METTL21A: variants seen among roughly 807,000 people sequenced by gnomAD.
METTL21A encodes protein N-lysine methyltransferase METTL21A.
In METTL21A, 22 loss-of-function variants were observed where a neutral mutation model predicts 20.9. That is an observed-to-expected ratio of 1.05 (90% CI 0.75 to 1.50). The LOEUF is 1.50. METTL21A is among the 40% of genes most tolerant of loss of function. METTL21A has a pLI of 0.00. For missense variants in METTL21A, 271 were observed against 266.8 expected, an observed-to-expected ratio of 1.02 and a Z score of -0.11; for synonymous variants, 93 against 102.0, an observed-to-expected ratio of 0.91 and a Z score of 0.53.
intron 3 of METTL21A, among the ~76,000 whole-genome samples, chr2:207,588,702 T>G (rs144250959): frequency 6.8e-6 from 1 of 147,826 alleles, no homozygotes; most frequent in Non-Finnish European, 1.5e-5. Context: ...TTACTGGATT[T>G]ATACCCAAGT....
downstream of METTL21A, chr2:207,612,061 AG>A (rs1461749652): frequency 1.4e-5 from 2 of 140,366 alleles, no homozygotes; most frequent in African/African-American, 2.6e-5. Context: ...AAAAAAAAAA[AG>A]AAAACCTATT....
exon 4 of METTL21A, chr2:207,613,042 C>A (rs751598986): frequency 2.9e-5 from 44 of 1,540,202 alleles, no homozygotes; most frequent in Non-Finnish European, 3.5e-5. Flanking sequence ...TAAATTATAG[C>A]CAATTATAAG....
chr2:207,606,426 G>A (rs1274391537), downstream of METTL21A, among the ~76,000 whole-genome samples: 1 of 152,222 alleles, frequency 6.6e-6, no homozygotes, highest in African/African-American at 2.4e-5. Flanking sequence ...AGGTTGCAGT[G>A]AGCCGAGATT....
chr2:207,597,912 T>C (rs984557181), intron 3 of METTL21A: 6 of 186,600 alleles, frequency 3.2e-5, no homozygotes, highest in African/African-American at 9.3e-5. Flanking sequence ...CCTTGAGTTA[T>C]ATAACAAGAT....
exon 3 of METTL21A, chr2:207,621,914 T>C: frequency 3.1e-6 from 5 of 1,613,218 alleles, no homozygotes; most frequent in South Asian, 1.1e-5. Context: ...GAAAGAACGA[T>C]GGCCTGAATG....
At chr2:207,592,514 A>T (rs2085250046) in intron 3 of METTL21A, among the ~76,000 whole-genome samples, 1 of 152,120 alleles carries the variant, frequency 6.6e-6, no homozygotes, top group South Asian at 2.1e-4. Flanking sequence ...ATTTGCAGCA[A>T]TTCAAATATA....
intron 3 of METTL21A, chr2:207,597,013 G>A (rs2086297113): frequency 6.2e-6 from 10 of 1,612,062 alleles, no homozygotes; most frequent in Non-Finnish European, 8.5e-6. Context: ...CATTGATTGA[G>A]GAGCTAAAAG....
intron 3 of METTL21A, among the ~76,000 whole-genome samples, chr2:207,618,573 G>A (rs1239575925): frequency 6.6e-6 from 1 of 152,108 alleles, no homozygotes; most frequent in African/African-American, 2.4e-5. Flanking sequence ...TGCAGAGGCA[G>A]GTGCCTGTAA....
At chr2:207,597,596 C>T (rs191157228) in intron 3 of METTL21A, 46 of 208,992 alleles carry the variant, frequency 2.2e-4, no homozygotes, top group Non-Finnish European at 4.0e-4. Context: ...AGAACTTTAG[C>T]ATGGTATTGA....
chr2:207,602,984 G>A lies in METTL21A; in HGVS notation c.259+18822C>T, dbSNP rs551766681. 345 of 214,486 alleles carry A rather than the reference G, an allele frequency of 1.6e-3. 3 individuals carry two copies. The highest frequency in any genetic ancestry group is 7.3e-3 in the African/African-American group (323 of 44,458). The allele number at this position is 214,486 out of a possible 1,614,324, so 13.3% of individuals were successfully genotyped here. On this transcript the variant is annotated intron_variant, in intron 3 of 3. Coordinates refer to the METTL21A transcript ENST00000425132. ...CAGGGAAGTTCCTAGAAAGGTGTTT[G>A]GCTTTTTGGTTTTTGAGGGTTGGGG...
intron 3 of METTL21A, chr2:207,602,628 G>C (rs1443870200): frequency 4.7e-6 from 1 of 212,096 alleles, no homozygotes; most frequent in Non-Finnish European, 9.6e-6. Flanking sequence ...TGTTGGCCAA[G>C]TGAAATGATC....
chr2:207,593,762 A>G (rs1165595781), intron 3 of METTL21A, among the ~76,000 whole-genome samples: 1 of 139,148 alleles, frequency 7.2e-6, no homozygotes. Context: ...CCTATCACCC[A>G]GGCTGGAGTG....
chr2:207,596,385 A>G (rs1433463171), intron 3 of METTL21A, among the ~76,000 whole-genome samples: 1 of 152,196 alleles, frequency 6.6e-6, no homozygotes, highest in East Asian at 1.9e-4. Context: ...TAATAGTAAG[A>G]TGTAATTTTT....
intron 3 of METTL21A, among the ~76,000 whole-genome samples, chr2:207,590,208 A>C (rs2106636644): frequency 6.7e-6 from 1 of 149,870 alleles, no homozygotes; most frequent in Middle Eastern, 3.5e-3. Flanking sequence ...CAAATTCATG[A>C]CCATAGAGTT....
chr2:207,621,789 C>T lies in METTL21A; in HGVS notation c.259+17G>A. On this transcript the variant is annotated intron_variant, in intron 3 of 3. Coordinates refer to ENST00000406927, the Ensembl canonical transcript of METTL21A. ...CAATGAGTTCTGCTCACTAAGGAGT[C>T]AATGCATGACACTCACCCAGCAGGG... The T allele has an allele frequency of 6.2e-7, 1 of 1,603,542 alleles. No homozygotes were observed. The highest frequency in any genetic ancestry group is 8.5e-7 in the Non-Finnish European group (1 of 1,170,392).
intron 3 of METTL21A, among the ~76,000 whole-genome samples, chr2:207,587,689 A>G (rs1473887742): frequency 2.0e-5 from 3 of 152,242 alleles, no homozygotes; most frequent in African/African-American, 7.2e-5. Flanking sequence ...AAATAACTCA[A>G]ACATGGAAAG....
At chr2:207,590,708 T>G (rs1394095440) in intron 3 of METTL21A, among the ~76,000 whole-genome samples, 1 of 152,278 alleles carries the variant, frequency 6.6e-6, no homozygotes, top group South Asian at 2.1e-4. Flanking sequence ...TCACAACTAC[T>G]CAACTCTGCC....
At chr2:207,612,852 T>TA (rs2089153900) in exon 4 of METTL21A, 1 of 533,106 alleles carries the variant, frequency 1.9e-6, no homozygotes, top group Non-Finnish European at 3.2e-6. Flanking sequence ...TCAGACTGAG[T>TA]AAAGTCTGAC....
intron 3 of METTL21A, chr2:207,603,555 C>G (rs1420476104): frequency 4.5e-6 from 1 of 223,358 alleles, no homozygotes; most frequent in Non-Finnish European, 8.9e-6. Flanking sequence ...TGGAAGGCAG[C>G]AAAACTAATT....
Sources: allele counts gnomAD v4.1 joint callset (sites outside exome capture counted in the v4.1 genomes callset), GRCh38; gene constraint gnomAD v4.1.1; transcripts MANE v1.5; gene names NCBI Gene and HGNC (gene_info 2026-07-23, HGNC 2026-07-21).